DENND5A: variants seen among roughly 807,000 people sequenced by gnomAD.
DENND5A encodes the protein DENN domain containing 5A, also known as DENN domain-containing protein 5A.
DENND5A carries 64 observed loss-of-function variants against 140.3 expected under a neutral mutation model. The observed-to-expected ratio is 0.46, with a 90% confidence interval of 0.37 to 0.56. The LOEUF (loss-of-function observed/expected upper bound fraction) is 0.56, where lower values mean the gene tolerates loss of function less well. Among genes scored for constraint, DENND5A ranks in the 20% least tolerant of loss-of-function variants. The probability of loss-of-function intolerance (pLI) is 0.00; values close to 1 mark genes in which losing one functional copy is unlikely to be tolerated. For synonymous variants in DENND5A, 605 were observed against 607.7 expected (o/e 1.00, Z 0.07); for missense variants, 1,292 against 1,593.8 (o/e 0.81, Z 3.22).
chr11:9,188,459 G>T (rs1022865411), intron 5 of DENND5A, among the ~76,000 whole-genome samples: 1 of 152,206 alleles, frequency 6.6e-6, no homozygotes, highest in African/African-American at 2.4e-5. Flanking sequence ...CATTGAAACT[G>T]GGTGTCAGGC....
chr11:9,188,863 G>A (rs1849012469), intron 5 of DENND5A, among the ~76,000 whole-genome samples: 1 of 152,214 alleles, frequency 6.6e-6, no homozygotes, highest in Admixed American at 6.5e-5. Flanking sequence ...GCCTGACAAT[G>A]CAATAGAAAA....
chr11:9,170,453 T>A (rs1383157130), intron 9 of DENND5A, among the ~76,000 whole-genome samples, 174 bp downstream of exon 9: 1 of 152,148 alleles, frequency 6.6e-6, no homozygotes, highest in Non-Finnish European at 1.5e-5. Flanking sequence ...CTGAAAGATA[T>A]TCTGTCACAT....
chr11:9,188,100 G>C (rs1395571741), intron 5 of DENND5A, among the ~76,000 whole-genome samples: 1 of 152,300 alleles, frequency 6.6e-6, no homozygotes, highest in Middle Eastern at 3.4e-3. Flanking sequence ...ACGTGTTGTG[G>C]GAGGGACCCA....
At chr11:9,195,631 C>T (rs2136199101) in intron 4 of DENND5A, among the ~76,000 whole-genome samples, 1 of 152,256 alleles carries the variant, frequency 6.6e-6, no homozygotes, top group Non-Finnish European at 1.5e-5. Flanking sequence ...GAGGAAGTCT[C>T]AGTACAAAGG....
chr11:9,144,384 TAG>T (rs1847351625), intron 18 of DENND5A, 106 bp from the exon 19 acceptor site: 2 of 1,064,586 alleles, frequency 1.9e-6, no homozygotes, highest in Admixed American at 2.3e-5. Context: ...GAAACCAGGA[TAG>T]AGACTCCTTC....
chr11:9,228,109 T>TAAAAAAAAAAAAAAAAAAAAAA (rs1223838040), intron 1 of DENND5A, among the ~76,000 whole-genome samples: 1 of 21,706 alleles, frequency 4.6e-5, no homozygotes, highest in African/African-American at 3.1e-4. Context: ...AGACTCCATC[T>TAAAAAAAAAAAAAAAAAAAAAA]CAAAAAAAAA....
At chr11:9,144,400 G>T in intron 18 of DENND5A, 122 bp from the exon 19 acceptor site, 1 of 939,574 alleles carries the variant, frequency 1.1e-6, no homozygotes, top group Non-Finnish European at 1.6e-6. Flanking sequence ...CTCCTTCAAT[G>T]CTCTGCTGGT....
chr11:9,244,603 G>A (rs542425835), intron 1 of DENND5A, among the ~76,000 whole-genome samples: 103 of 152,058 alleles, frequency 6.8e-4, no homozygotes, highest in Non-Finnish European at 1.3e-3. Flanking sequence ...TCCTGACCTC[G>A]GGTGATCCGC....
At chr11:9,262,828 GC>G (rs1339500537) in intron 1 of DENND5A, among the ~76,000 whole-genome samples, 1 of 151,704 alleles carries the variant, frequency 6.6e-6, no homozygotes, top group Non-Finnish European at 1.5e-5. Context: ...TGCGAGCTCC[GC>G]CTCCCGGGTT....
chr11:9,205,871 G>A (rs1282250016), intron 3 of DENND5A, among the ~76,000 whole-genome samples: 3 of 152,188 alleles, frequency 2.0e-5, no homozygotes, highest in Non-Finnish European at 4.4e-5. Flanking sequence ...CTCTCCAACA[G>A]CCTGGGTGAC....
chr11:9,238,674 A>G (rs777460009), intron 1 of DENND5A, among the ~76,000 whole-genome samples: 5 of 152,040 alleles, frequency 3.3e-5, no homozygotes, highest in Non-Finnish European at 7.4e-5. Flanking sequence ...TCGGCCTCCC[A>G]AAGTGCTGAG....
At chr11:9,200,676 C>T (rs1849491991) in intron 4 of DENND5A, among the ~76,000 whole-genome samples, 1 of 152,194 alleles carries the variant, frequency 6.6e-6, no homozygotes, top group Admixed American at 6.5e-5. Flanking sequence ...TCCATTACTT[C>T]ACCTTCAAAC....
At chr11:9,249,899 C>G (rs1013103962) in intron 1 of DENND5A, among the ~76,000 whole-genome samples, 4 of 152,000 alleles carry the variant, frequency 2.6e-5, no homozygotes, top group African/African-American at 9.7e-5. Context: ...GTTGCCCGGG[C>G]TAGCCTCAAA....
intron 3 of DENND5A, 140 bp downstream of exon 3, chr11:9,206,533 T>A: frequency 1.5e-6 from 1 of 670,502 alleles, no homozygotes; most frequent in Non-Finnish European, 2.6e-6. Context: ...AAATGCAGAA[T>A]AATAAACAAT....
intron 1 of DENND5A, among the ~76,000 whole-genome samples, chr11:9,210,995 A>G (rs1021321121): frequency 6.6e-6 from 1 of 152,208 alleles, no homozygotes; most frequent in African/African-American, 2.4e-5. Flanking sequence ...TTTCCTGCAG[A>G]CAAGTATGAG....
intron 20 of DENND5A, 169 bp downstream of exon 20, chr11:9,143,234 C>T (rs1847308130): frequency 2.8e-6 from 2 of 703,954 alleles, no homozygotes; most frequent in Non-Finnish European, 4.9e-6. Context: ...CAAAGGCCCC[C>T]AGAGGAAGGA....
chr11:9,149,960 A>G (rs990836296), intron 15 of DENND5A, 121 bp downstream of exon 15: 1 of 1,355,306 alleles, frequency 7.4e-7, no homozygotes, highest in African/African-American at 1.5e-5. Flanking sequence ...CTTCATAAGC[A>G]AAGAGGTTAG....
intron 4 of DENND5A, among the ~76,000 whole-genome samples, chr11:9,198,276 T>C (rs1259338159): frequency 1.3e-5 from 2 of 151,690 alleles, no homozygotes; most frequent in African/African-American, 2.4e-5. Flanking sequence ...TCTCTGCTCA[T>C]GTTCTTTTGC....
intron 15 of DENND5A, 94 bp from the exon 16 acceptor site, chr11:9,147,245 A>T: frequency 7.4e-7 from 1 of 1,350,550 alleles, no homozygotes. Context: ...TAAGGGAAGC[A>T]TAAGATGTCA....
Sources: gnomAD v4.1 joint callset for allele counts (sites outside exome capture counted in the v4.1 genomes callset) on GRCh38, gnomAD v4.1.1 for gene constraint, MANE v1.5 for transcripts, NCBI Gene and HGNC (gene_info 2026-07-23, HGNC 2026-07-21) for gene names.